Variants in KCNMB2 observed in about 807,000 individuals in gnomAD.
KCNMB2 encodes calcium-activated potassium channel subunit beta-2.
Under a neutral mutation model 24.5 loss-of-function variants are expected in KCNMB2, and 9 were observed. The ratio of observed to expected loss-of-function variants is 0.37; its 90% CI spans 0.22 to 0.64. The LOEUF is 0.64. Among genes scored for constraint, KCNMB2 ranks in the 30% least tolerant of loss-of-function variants. The pLI, the probability that KCNMB2 is intolerant of heterozygous loss-of-function variation, is 0.63. For synonymous variants in KCNMB2, 109 were observed against 104.4 expected, an observed-to-expected ratio of 1.04 and a Z score of -0.27; for missense variants, 226 against 284.3, an observed-to-expected ratio of 0.79 and a Z score of 1.47.
intron 1 of KCNMB2, among the ~76,000 whole-genome samples, chr3:178,659,882 A>G (rs1267638117): frequency 6.6e-6 from 1 of 152,138 alleles, no homozygotes; most frequent in Non-Finnish European, 1.5e-5. Flanking sequence ...TCTAAGCCCC[A>G]CACAGTTTCC....
intron 1 of KCNMB2, among the ~76,000 whole-genome samples, chr3:178,724,792 T>G (rs1722913491): frequency 6.6e-6 from 1 of 152,160 alleles, no homozygotes; most frequent in Admixed American, 6.6e-5. Context: ...TTGTTAACTT[T>G]GTCAAATACC....
chr3:178,748,704 T>TA (rs1723747764), intron 1 of KCNMB2, among the ~76,000 whole-genome samples: 1 of 152,186 alleles, frequency 6.6e-6, no homozygotes, highest in Non-Finnish European at 1.5e-5. Context: ...TGTTCACAAA[T>TA]AGAAGCTAGC....
At chr3:178,775,985 C>A (rs1300762471) in intron 1 of KCNMB2, among the ~76,000 whole-genome samples, 2 of 152,146 alleles carry the variant, frequency 1.3e-5, no homozygotes, top group African/African-American at 4.8e-5. Flanking sequence ...CCCTTCTCAC[C>A]CTGCAGAATT....
chr3:178,839,343 G>A (rs1335199569), intron 4 of KCNMB2, among the ~76,000 whole-genome samples: 3 of 152,074 alleles, frequency 2.0e-5, no homozygotes, highest in Admixed American at 1.3e-4. Context: ...ACAAAAAAGT[G>A]ATTTAATTCC....
chr3:178,676,282 G>C (rs772048099), intron 1 of KCNMB2, among the ~76,000 whole-genome samples: 2 of 152,160 alleles, frequency 1.3e-5, no homozygotes, highest in Non-Finnish European at 2.9e-5. Flanking sequence ...AACTCAGTGG[G>C]CACGAATGAT....
intron 1 of KCNMB2, among the ~76,000 whole-genome samples, chr3:178,765,331 T>C (rs1348977800): frequency 6.6e-6 from 1 of 152,246 alleles, no homozygotes; most frequent in African/African-American, 2.4e-5. Flanking sequence ...GACCCGACTT[T>C]AAGATATGGG....
intron 1 of KCNMB2, among the ~76,000 whole-genome samples, chr3:178,753,585 A>C (rs774939782): frequency 3.9e-5 from 6 of 152,192 alleles, no homozygotes; most frequent in Non-Finnish European, 8.8e-5. Context: ...AGTTATCAAA[A>C]AAAAGAGTTT....
chr3:178,629,374 C>T (rs1719231563), intron 1 of KCNMB2, among the ~76,000 whole-genome samples: 1 of 152,134 alleles, frequency 6.6e-6, no homozygotes, highest in Non-Finnish European at 1.5e-5. Flanking sequence ...GAGGTGATTC[C>T]TCCTGAAAGG....
intron 1 of KCNMB2, among the ~76,000 whole-genome samples, chr3:178,622,619 C>A (rs1300215277): frequency 6.6e-6 from 1 of 152,216 alleles, no homozygotes; most frequent in Admixed American, 6.5e-5. Flanking sequence ...TCACCATTCA[C>A]AGTGCCCTCT....
At chr3:178,637,213 T>C (rs1208259538) in intron 1 of KCNMB2, among the ~76,000 whole-genome samples, 1 of 152,218 alleles carries the variant, frequency 6.6e-6, no homozygotes, top group Non-Finnish European at 1.5e-5. Context: ...CCTTTGAGTA[T>C]GTACCTAGTA....
At chr3:178,784,169 T>C (rs1234531183) in intron 1 of KCNMB2, among the ~76,000 whole-genome samples, 1 of 152,184 alleles carries the variant, frequency 6.6e-6, no homozygotes, top group African/African-American at 2.4e-5. Flanking sequence ...ATCTGTTCTT[T>C]TGGGAGAAAT....
chr3:178,635,573 T>C (rs1719492214), intron 1 of KCNMB2, among the ~76,000 whole-genome samples: 1 of 152,186 alleles, frequency 6.6e-6, no homozygotes, highest in African/African-American at 2.4e-5. Flanking sequence ...AATAGAAGTG[T>C]CATTTGGCAT....
In KCNMB2 at chr3:178,556,086, G is replaced by A. The variant is rs76748482; in HGVS notation, c.-68+19375G>A. ...AGTGAAAGATAACCAGAATTTAGAA[G>A]CCCAGAAAACTGGAAGGACAGTGCT... On this transcript the variant is annotated intron_variant, in intron 1 of 4. Transcript: ENST00000452583. 6.1e-3 allele frequency among the ~76,000 whole-genome samples: 932 copies of A among 152,298 alleles called. 12 individuals are homozygous for A. The highest frequency in any genetic ancestry group is 0.021 in the African/African-American group (876 of 41,562).
intron 1 of KCNMB2, among the ~76,000 whole-genome samples, chr3:178,608,515 T>C (rs531121161): frequency 6.6e-6 from 1 of 152,282 alleles, no homozygotes; most frequent in South Asian, 2.1e-4. Flanking sequence ...ATCAAAGTAT[T>C]TATCCATTGA....
chr3:178,731,729 C>T (rs897607557), intron 1 of KCNMB2, among the ~76,000 whole-genome samples: 2 of 152,066 alleles, frequency 1.3e-5, no homozygotes, highest in Non-Finnish European at 2.9e-5. Context: ...CATGGTGAAA[C>T]CTTATCTCTA....
In KCNMB2 at chr3:178,548,317, T is replaced by A. The variant is rs528580099; in HGVS notation, c.-68+11606T>A. On this transcript the variant is annotated intron_variant, in intron 1 of 4. Coordinates refer to ENST00000452583, the MANE Select transcript of KCNMB2 (RefSeq NM_181361.3). Reference sequence around the variant, plus strand: ...CTGCCCTGGGTTTCTTCTGCCTAGATCATGCAAATGAATAGTTTCCAAGCA... The same window carrying A: ...CTGCCCTGGGTTTCTTCTGCCTAGAACATGCAAATGAATAGTTTCCAAGCA... 2.2e-4 allele frequency among the ~76,000 whole-genome samples: 34 copies of A among 152,306 alleles called. No homozygotes were observed. The South Asian group carries it at 6.8e-3, about 31-fold the overall frequency.
chr3:178,695,485 T>C (rs1158334364), intron 1 of KCNMB2, among the ~76,000 whole-genome samples: 3 of 152,210 alleles, frequency 2.0e-5, no homozygotes, highest in Admixed American at 6.5e-5. Context: ...TTTTCCAAAC[T>C]TTTATGCTCT....
intron 1 of KCNMB2, among the ~76,000 whole-genome samples, chr3:178,539,730 T>C (rs961606676): frequency 6.6e-6 from 1 of 151,548 alleles, no homozygotes. Context: ...AGAGAGAGAG[T>C]GTGTGTGTGC....
chr3:178,759,042 GAT>G (rs1175571508), intron 1 of KCNMB2, among the ~76,000 whole-genome samples: 3 of 298 alleles, frequency 0.01, 1 homozygote, highest in Non-Finnish European at 0.014. Context: ...CTCCAAGAGG[GAT>G]ATATATATAT....
Sources: allele counts gnomAD v4.1 joint callset (sites outside exome capture counted in the v4.1 genomes callset), GRCh38; gene constraint gnomAD v4.1.1; transcripts MANE v1.5; gene names NCBI Gene and HGNC (gene_info 2026-07-23, HGNC 2026-07-21).